The following ANKRD12 variants were observed in gnomAD, a reference collection of about 807,000 sequenced individuals.
ANKRD12 encodes ankyrin repeat domain 12.
ANKRD12 carries 85 observed loss-of-function variants against 183.4 expected under a neutral mutation model. That is an observed-to-expected ratio of 0.46 (90% CI 0.39 to 0.56). The LOEUF (loss-of-function observed/expected upper bound fraction) is 0.56. ANKRD12 is among the 20% of genes least tolerant of loss of function. ANKRD12 has a pLI of 0.00. For synonymous variants in ANKRD12, 914 were observed against 800.2 expected, an observed-to-expected ratio of 1.14 and a Z score of -2.40; for missense variants, 2,405 against 2,357.1, an observed-to-expected ratio of 1.02 and a Z score of -0.42.
In ANKRD12 at chr18:9,285,450, A is replaced by G. The variant is rs969031994; in HGVS notation, c.*4324A>G. ...TCCAAAAAAAAAAAAAAAAAAAAAA[A>G]GTATATCACATATGTAGCATGTGTT... On this transcript the variant is annotated 3_prime_UTR_variant, in exon 13 of 13. Transcript: ENST00000262126. 1 of 150,066 alleles carries G rather than the reference A, an allele frequency of 6.7e-6. No homozygotes were observed. The highest frequency in any genetic ancestry group is 6.6e-5 in the Admixed American group (1 of 15,038). 9.3% of individuals were successfully genotyped at this position (150,066 alleles called of 1,614,324 possible). A position where few individuals can be genotyped will look rare whatever the true frequency, so the allele number is the denominator to read the frequency against.
chr18:9,172,194 C>T (rs2032806572), intron 1 of ANKRD12, among the ~76,000 whole-genome samples: 1 of 151,988 alleles, frequency 6.6e-6, no homozygotes, highest in Non-Finnish European at 1.5e-5. Flanking sequence ...CTTGGAGAAT[C>T]TGATGATTAT....
Position 9,210,100 on chromosome 18 carries a change from T to A in ANKRD12, c.451+1297T>A, listed in dbSNP as rs558225333. Among the ~76,000 whole-genome samples the A allele has an allele frequency of 3.0e-4, 46 of 152,264 alleles. 1 individual carries two copies. Among genetic ancestry groups the A allele is most frequent in the South Asian group, 2.1e-3 (10 of 4,826 alleles). On this transcript the variant is annotated intron_variant, in intron 5 of 12. Coordinates refer to ENST00000262126, the MANE Select transcript of ANKRD12 (RefSeq NM_015208.5). ...TGATTCTTAGTCAACTCTCTATTAA[T>A]ATGTATAGAATTAGAATGGAAAACT... is the stretch of plus-strand genomic sequence containing the variant.
At chr18:9,196,195 C>CAA (rs2034801560) in intron 3 of ANKRD12, among the ~76,000 whole-genome samples, 1 of 58,238 alleles carries the variant, frequency 1.7e-5, no homozygotes, top group Non-Finnish European at 4.7e-5. Context: ...TTTTTACACA[C>CAA]ACACACACAC....
intron 1 of ANKRD12, among the ~76,000 whole-genome samples, chr18:9,165,377 T>C (rs1416191680): frequency 1.3e-5 from 2 of 152,186 alleles, no homozygotes; most frequent in Non-Finnish European, 1.5e-5. Flanking sequence ...TTTGGCACTT[T>C]AGCTGTGTTT....
intron 3 of ANKRD12, among the ~76,000 whole-genome samples, chr18:9,198,270 T>C (rs1395007528): frequency 6.6e-6 from 1 of 151,928 alleles, no homozygotes; most frequent in Non-Finnish European, 1.5e-5. Flanking sequence ...AACTCAAAAA[T>C]GGGAAAATGG....
intron 1 of ANKRD12, among the ~76,000 whole-genome samples, chr18:9,143,010 T>G (rs560730697): frequency 2.8e-4 from 43 of 152,220 alleles, no homozygotes; most frequent in African/African-American, 9.9e-4. Flanking sequence ...AGCCTTGGCT[T>G]GCATTCCAGT....
chr18:9,252,732 A>G (rs955637556), intron 8 of ANKRD12, among the ~76,000 whole-genome samples: 5 of 152,204 alleles, frequency 3.3e-5, no homozygotes, highest in South Asian at 2.1e-4. Flanking sequence ...TGGGAGGCCA[A>G]GGTGAGTGGA....
In ANKRD12 at chr18:9,275,794, C is replaced by T. The variant is rs1598782068; in HGVS notation, c.5907+127C>T. 2.2e-5 allele frequency: 20 copies of T among 904,104 alleles called. No individual in the cohort carries two copies. In the East Asian group the frequency reaches 4.7e-4, roughly 21 times the overall value. The allele number at this position is 904,104 out of a possible 1,614,324, so 56.0% of individuals were successfully genotyped here. ...ATTAAAGGTCAAAGAAGAAAAAAAA[C>T]TCTTTCAAGCCAGAGTACTTCCAGA... On this transcript the variant is annotated intron_variant, in intron 11 of 12. Transcript: ENST00000262126.
rs377492566 is a variant in ANKRD12 at position 9,257,360 on chromosome 18, A to T, written c.4093A>T (p.Ile1365Leu). Reference sequence around the variant, plus strand: ...AAGAGACCTTTCAAATGTATCTAACATACATTCCAGTTTTGCAACTTCTCC... The same window carrying T: ...AAGAGACCTTTCAAATGTATCTAACTTACATTCCAGTTTTGCAACTTCTCC... Reference protein sequence around the residue: ...PERDLSNVSNIHSSFATSPTG... With the variant: ...PERDLSNVSNLHSSFATSPTG... The change falls in exon 9 of 13, where the codon ATA becomes TTA. Residue 1365 changes from isoleucine to leucine, a missense_variant. Physicochemically the swap from Ile to Leu is conservative, Grantham distance 5 (BLOSUM62 2). Transcript: ENST00000262126. The T allele has an allele frequency of 6.2e-7, 1 of 1,614,038 alleles. No individual in the cohort carries two copies. The highest frequency in any genetic ancestry group is 8.5e-7 in the Non-Finnish European group (1 of 1,180,008).
intron 8 of ANKRD12, among the ~76,000 whole-genome samples, chr18:9,223,860 C>T (rs1598609948): frequency 6.6e-6 from 1 of 152,100 alleles, no homozygotes; most frequent in South Asian, 2.1e-4. Context: ...ACTTACGTGA[C>T]GAGACCAGAG....
At chr18:9,263,646 G>C (rs1443044056) in intron 9 of ANKRD12, 144 bp from the exon 10 acceptor site, 2 of 477,830 alleles carry the variant, frequency 4.2e-6, no homozygotes, top group Non-Finnish European at 7.0e-6. Flanking sequence ...GTAACAATCA[G>C]TTCTATAACT....
chr18:9,138,421 G>T (rs908440846), intron 1 of ANKRD12, among the ~76,000 whole-genome samples: 3 of 152,222 alleles, frequency 2.0e-5, no homozygotes, highest in Non-Finnish European at 2.9e-5. Flanking sequence ...GCCGAGGCAG[G>T]GGAATCGCTT....
At chr18:9,277,681 CAAA>C (rs1449194488) in intron 11 of ANKRD12, among the ~76,000 whole-genome samples, 1 of 151,668 alleles carries the variant, frequency 6.6e-6, no homozygotes, top group Non-Finnish European at 1.5e-5. Context: ...AAAATAAAAA[CAAA>C]TTCATAGCAG....
intron 10 of ANKRD12, among the ~76,000 whole-genome samples, chr18:9,264,521 AT>A (rs149575184): frequency 0.063 from 9,588 of 152,188 alleles, 330 homozygotes; most frequent in Non-Finnish European, 0.079. Context: ...TACATGATTG[AT>A]TTTCCTGGCA....
intron 1 of ANKRD12, among the ~76,000 whole-genome samples, chr18:9,166,382 G>A (rs1253236686): frequency 6.6e-6 from 1 of 152,204 alleles, no homozygotes; most frequent in Non-Finnish European, 1.5e-5. Flanking sequence ...TCCAGCACCT[G>A]TTGTTTCCTG....
intron 6 of ANKRD12, among the ~76,000 whole-genome samples, chr18:9,214,484 C>T (rs1420281541): frequency 6.6e-6 from 1 of 151,726 alleles, no homozygotes; most frequent in East Asian, 1.9e-4. Flanking sequence ...CACAAATCAT[C>T]TCCACATAAG....
In ANKRD12 at chr18:9,195,708, T is replaced by G; in HGVS notation, c.235+10T>G. Reference sequence around the variant, plus strand: ...CGAGATTCAGACACAGGTAGAATAATTTGCTGTTCTCTGGTAAAATCTTGC... The same window carrying G: ...CGAGATTCAGACACAGGTAGAATAAGTTGCTGTTCTCTGGTAAAATCTTGC... On this transcript the variant is annotated intron_variant, in intron 3 of 12. Transcript: ENST00000262126. 1 of 1,603,050 alleles carries G rather than the reference T, an allele frequency of 6.2e-7. No homozygotes were observed. Among genetic ancestry groups the G allele is most frequent in the Non-Finnish European group, 8.5e-7 (1 of 1,174,994 alleles).
Position 9,208,730 on chromosome 18 carries a change from T to G in ANKRD12, c.378T>G (p.Leu126=), listed in dbSNP as rs1315268045. The G allele has an allele frequency of 6.2e-7, 1 of 1,611,178 alleles. No individual in the cohort carries two copies. The highest frequency in any genetic ancestry group is 8.5e-7 in the Non-Finnish European group (1 of 1,178,504). Residue 126 remains leucine (L), a synonymous_variant, in exon 5 of 13, where the codon CTT becomes CTG. Transcript: ENST00000262126. The part of the protein sequence containing the change: ...GNKKSTPVSI[L]FGYPLSERKQ... ...AGAAATCCACACCAGTTAGCATTCT[T>G]TTTGGTTATCCACTCTCTGAGCGAA...
At position 9,196,957 on chromosome 18, in the gene ANKRD12, C is replaced by T. The variant is rs76942462; in HGVS notation, c.235+1259C>T. Among the ~76,000 whole-genome samples, 1,282 of 152,154 alleles carry T rather than the reference C, an allele frequency of 8.4e-3. 9 individuals carry two copies. Among genetic ancestry groups the T allele is most frequent in the Non-Finnish European group, 0.014 (928 of 67,996 alleles). ...TGGGATAGCTATTTCAGATTGAACT[C>T]TTCTCGCATATTGTTAAAAGTTTCT... On this transcript the variant is annotated intron_variant, in intron 3 of 12. Coordinates refer to ENST00000262126, the MANE Select transcript of ANKRD12 (RefSeq NM_015208.5).
Sources: gnomAD v4.1 joint callset for allele counts (sites outside exome capture counted in the v4.1 genomes callset) on GRCh38, gnomAD v4.1.1 for gene constraint, MANE v1.5 for transcripts, NCBI Gene and HGNC (gene_info 2026-07-23, HGNC 2026-07-21) for gene names.